Variants in LONP2 observed in about 807,000 individuals in gnomAD.
The protein encoded by LONP2 is lon peptidase 2, peroxisomal, also known as lon protease homolog 2, peroxisomal.
A neutral mutation model predicts 85.6 loss-of-function variants in LONP2; 60 were observed. The ratio of observed to expected loss-of-function variants is 0.70; its 90% CI spans 0.57 to 0.87. LONP2 has a LOEUF of 0.87. Among genes scored for constraint, LONP2 ranks in the 40% least tolerant of loss-of-function variants. The pLI is 0.00. For synonymous variants in LONP2, 395 were observed against 389.7 expected, an observed-to-expected ratio of 1.01 and a Z score of -0.16; for missense variants, 860 against 1,063.5, an observed-to-expected ratio of 0.81 and a Z score of 2.66.
rs79817053 is a variant in LONP2, at chr16:48,256,259, T to C, written c.469-351T>C. On this transcript the variant is annotated intron_variant, in intron 2 of 14. Transcript: ENST00000285737. ...CTTTTCAGTTGGTGAATTCAATTGG[T>C]GAATCTGGAAGAAGGATGTACAGGA... Among the ~76,000 whole-genome samples, 1,203 of 152,328 alleles carry C rather than the reference T, an allele frequency of 7.9e-3. 18 individuals carry two copies. The highest frequency in any genetic ancestry group is 0.027 in the African/African-American group (1,133 of 41,588).
intron 7 of LONP2, among the ~76,000 whole-genome samples, chr16:48,273,570 T>C (rs563809113): frequency 6.6e-6 from 1 of 152,326 alleles, no homozygotes; most frequent in Non-Finnish European, 1.5e-5. Flanking sequence ...ATCTCCATTG[T>C]GATTTTTCTG....
At chr16:48,252,060 C>A (rs2150962593) in intron 1 of LONP2, 71 bp from the exon 2 acceptor site, 1 of 1,170,920 alleles carries the variant, frequency 8.5e-7, no homozygotes, top group Non-Finnish European at 1.2e-6. Flanking sequence ...GAAAAGCCAA[C>A]ACTTTCTGAA....
chr16:48,299,508 A>G (rs1972754616), intron 9 of LONP2, among the ~76,000 whole-genome samples, 154 bp from the exon 10 acceptor site: 2 of 151,662 alleles, frequency 1.3e-5, no homozygotes, highest in African/African-American at 4.8e-5. Context: ...CTTGAACCTG[A>G]GAGGTGGAGG....
intron 8 of LONP2, among the ~76,000 whole-genome samples, chr16:48,283,055 C>T (rs1555479286): frequency 6.6e-6 from 1 of 152,228 alleles, no homozygotes; most frequent in Non-Finnish European, 1.5e-5. Flanking sequence ...ACAACATTCC[C>T]TTAAGCCGAA....
chr16:48,349,428 G>C (rs1276370583), intron 14 of LONP2, among the ~76,000 whole-genome samples: 1 of 152,030 alleles, frequency 6.6e-6, no homozygotes, highest in Non-Finnish European at 1.5e-5. Flanking sequence ...GCGCCACCAC[G>C]CCCGGATAAT....
chr16:48,361,751 C>T (rs1345756500), downstream of LONP2: 1 of 1,614,174 alleles, frequency 6.2e-7, no homozygotes, highest in South Asian at 1.1e-5. Flanking sequence ...GACCATTTAG[C>T]TCAAGTCGGT....
chr16:48,362,478 A>G lies in LONP2; in HGVS notation c.*615A>G, dbSNP rs1195707706. On this transcript the variant is annotated 3_prime_UTR_variant, in exon 5 of 5. Transcript: ENST00000565867. The surrounding 1 kb of genome is among the most constrained non-coding windows in gnomAD (Gnocchi z 4.2). ...CAGGAGAAAAATAATTATAACCATG[A>G]CTTACTTTATAAATAATGTTTACAT... The G allele has an allele frequency of 6.3e-7, 1 of 1,586,130 alleles. No homozygotes were observed. The highest frequency in any genetic ancestry group is 1.3e-5 in the African/African-American group (1 of 74,106).
rs1959336912 is a variant in LONP2, at chr16:48,328,752, T to C, written c.1796-5464T>C. Among the ~76,000 whole-genome samples the C allele has an allele frequency of 2.2e-5, 3 of 137,538 alleles. No individual in the cohort carries two copies. In the South Asian group the frequency reaches 6.8e-4, roughly 31 times the overall value. 90.2% of individuals were successfully genotyped at this position (137,538 alleles called of 152,430 possible). ...CCCAGCTACTTGGGAGGCTGAGGCA[T>C]GAGAATCGCATGAACACAGACGGCA... On this transcript the variant is annotated intron_variant, in intron 11 of 14. Coordinates refer to ENST00000285737, the MANE Select transcript of LONP2 (RefSeq NM_031490.5).
At chr16:48,268,912 A>AC (rs1210639237) in intron 6 of LONP2, among the ~76,000 whole-genome samples, 25 of 151,906 alleles carry the variant, frequency 1.6e-4, no homozygotes, top group African/African-American at 6.1e-4. Flanking sequence ...ATTAATTAAA[A>AC]GATATGTATT....
intron 3 of LONP2, among the ~76,000 whole-genome samples, chr16:48,257,181 C>T (rs1333338225): frequency 6.6e-6 from 1 of 151,962 alleles, no homozygotes; most frequent in African/African-American, 2.4e-5. Flanking sequence ...CGTGGTGGTG[C>T]GCGCCTATAA....
intron 8 of LONP2, among the ~76,000 whole-genome samples, chr16:48,282,225 G>C (rs771211560): frequency 8.6e-5 from 13 of 151,722 alleles, no homozygotes; most frequent in Non-Finnish European, 1.8e-4. Context: ...CCTGGCTAAC[G>C]TGGCGAAACC....
At chr16:48,302,863 T>G (rs1446492350) in intron 10 of LONP2, among the ~76,000 whole-genome samples, 1 of 152,162 alleles carries the variant, frequency 6.6e-6, no homozygotes, top group Non-Finnish European at 1.5e-5. Flanking sequence ...TACCGAGGAG[T>G]AAATGGTTTT....
In LONP2 at chr16:48,334,248, C is replaced by A. The variant is rs1385148903; in HGVS notation, c.1828C>A (p.Pro610Thr). Residue 610 changes from proline to threonine, a missense_variant, in exon 12 of 15, where the codon CCT becomes ACT. Transcript: ENST00000285737. ...AGAACACATCTTAGAAGATGAAAAA[C>A]CTGAATCTATCAGTGACACTACTGA... ...CREHILEDEKPESISDTTDLA... is the reference protein window; with the variant it reads ...CREHILEDEKTESISDTTDLA... The A allele has an allele frequency of 7.4e-6, 12 of 1,613,764 alleles. No individual in the cohort carries two copies. Among genetic ancestry groups the A allele is most frequent in the Non-Finnish European group, 9.3e-6 (11 of 1,179,878 alleles).
At chr16:48,322,703 CA>C (rs1973292073) in intron 11 of LONP2, among the ~76,000 whole-genome samples, 1 of 152,060 alleles carries the variant, frequency 6.6e-6, no homozygotes, top group African/African-American at 2.4e-5. Flanking sequence ...AGCGAGACTC[CA>C]CCTCTAAAAA....
rs1277508924 is a variant in LONP2, at chr16:48,347,360, T to G, written c.1939-147T>G. The G allele has an allele frequency of 7.0e-6, 5 of 710,612 alleles. No individual in the cohort carries two copies. The African/African-American group carries it at 8.8e-5, about 12-fold the overall frequency. 44.0% of individuals were successfully genotyped at this position (710,612 alleles called of 1,614,324 possible). A position where few individuals can be genotyped will look rare whatever the true frequency, so the allele number is the denominator to read the frequency against. ...AGAAAGCCAGAGAGTAAGTGCTGAA[T>G]GTGACGCAGAATCATGTTAGGTAAC... On this transcript the variant is annotated intron_variant, in intron 12 of 14. Transcript: ENST00000285737.
intron 12 of LONP2, among the ~76,000 whole-genome samples, chr16:48,346,966 C>T (rs1018267871): frequency 2.6e-5 from 4 of 151,922 alleles, no homozygotes; most frequent in Admixed American, 6.6e-5. Context: ...GTCTGGCCAA[C>T]ATGGTGAGAC....
At position 48,262,814 on chromosome 16, in the gene LONP2, T is replaced by G. The variant is rs1376754576; in HGVS notation, c.924T>G (p.Ala308=). Residue 308 remains alanine (A), a synonymous_variant, in exon 6 of 15, where the codon GCT becomes GCG. Transcript: ENST00000285737. ...TGCCTCAGTCAATGCCAGAATATGCTCTGACTAGAAATTATTTGGAACTTA... is the reference window on the plus strand; with the variant it reads ...TGCCTCAGTCAATGCCAGAATATGCGCTGACTAGAAATTATTTGGAACTTA... ...KKMPQSMPEY[A]LTRNYLELMV... is the part of the protein sequence containing the mutation. The G allele has an allele frequency of 3.7e-6, 6 of 1,612,440 alleles. No homozygotes were observed. In the African/African-American group the frequency reaches 6.7e-5, roughly 18 times the overall value.
At chr16:48,343,736 C>T (rs1959887141) in intron 12 of LONP2, 2 of 152,076 alleles carry the variant, frequency 1.3e-5, no homozygotes, top group South Asian at 4.1e-4. Flanking sequence ...AAGACACATT[C>T]TGTTTTAGAT....
rs1313617592 is a variant in LONP2 at position 48,334,232 on chromosome 16, C to A, written c.1812C>A (p.Ile604=). ...TTCTTTTAGGTTGCAGAGAACACATCTTAGAAGATGAAAAACCTGAATCTA... is the reference window on the plus strand; with the variant it reads ...TTCTTTTAGGTTGCAGAGAACACATATTAGAAGATGAAAAACCTGAATCTA... The part of the protein sequence containing the change: ...VTEREGCREH[I]LEDEKPESIS... Residue 604 remains isoleucine (I), a synonymous_variant, in exon 12 of 15, where the codon ATC becomes ATA. Transcript: ENST00000285737. The A allele has an allele frequency of 3.1e-6, 5 of 1,613,998 alleles. No individual in the cohort carries two copies. The highest frequency in any genetic ancestry group is 3.3e-5 in the Admixed American group (2 of 60,022).
Sources: allele counts gnomAD v4.1 joint callset (sites outside exome capture counted in the v4.1 genomes callset), GRCh38; gene constraint gnomAD v4.1.1; non-coding constraint Gnocchi (gnomAD v3.1); transcripts MANE v1.5; gene names NCBI Gene and HGNC (gene_info 2026-07-23, HGNC 2026-07-21).